Variants in MYO7A observed in about 807,000 individuals in gnomAD.
The protein encoded by MYO7A is myosin VIIA.
MYO7A carries 210 observed loss-of-function variants against 263.8 expected under a neutral mutation model. The ratio of observed to expected loss-of-function variants is 0.80; its 90% confidence interval spans 0.71 to 0.89. MYO7A has a LOEUF of 0.89. Among genes scored for constraint, MYO7A ranks in the 40% least tolerant of loss-of-function variants. The pLI, the probability that MYO7A is intolerant of heterozygous loss-of-function variation, is 0.00. For synonymous variants in MYO7A, 1,239 were observed against 1,197.3 expected, an observed-to-expected ratio of 1.03 and a Z score of -0.72; for missense variants, 2,820 against 2,968.3, an observed-to-expected ratio of 0.95 and a Z score of 1.16.
chr11:77,130,528 C>A, intron 1 of MYO7A, 61 bp from the exon 2 acceptor site: 1 of 1,388,908 alleles, frequency 7.2e-7, no homozygotes, highest in Non-Finnish European at 1.0e-6. Flanking sequence ...TGACCCCAGC[C>A]AGGCTCAAGG....
At chr11:77,162,028 A>C in intron 12 of MYO7A, 92 bp from the exon 13 acceptor site, 1 of 1,145,326 alleles carries the variant, frequency 8.7e-7, no homozygotes, top group Non-Finnish European at 1.3e-6. Flanking sequence ...ATAGCTTGCT[A>C]ATGGCCATGC....
In MYO7A at chr11:77,162,285, C is replaced by A; in HGVS notation, c.1509C>A (p.Pro503=). The change falls in exon 13 of 49, where the codon CCC becomes CCA. Residue 503 remains proline (P), a synonymous_variant. Transcript: ENST00000409709. ...CCCTGGACATGATTGCCAACAAGCC[C>A]ATGAACATCATCTCCCTCATCGATG... ...QDALDMIANK[P]MNIISLIDEE... 2 of 1,552,812 alleles carry A rather than the reference C, an allele frequency of 1.3e-6. No homozygotes were observed. Among genetic ancestry groups the A allele is most frequent in the Non-Finnish European group, 1.7e-6 (2 of 1,147,610 alleles).
At chr11:77,177,725 G>T (rs984532085) in intron 19 of MYO7A, 82 bp downstream of exon 19, 2 of 1,161,038 alleles carry the variant, frequency 1.7e-6, no homozygotes, top group South Asian at 1.3e-5. Context: ...TGCTCTGCCC[G>T]CATGAACACT....
Position 77,192,053 on chromosome 11 carries a change from G to T in MYO7A, c.3927G>T (p.Val1309=), listed in dbSNP as rs181729570. 3.7e-6 allele frequency: 6 copies of T among 1,612,562 alleles called. 1 individual carries two copies. The Admixed American group carries it at 1.0e-4, about 27-fold the overall frequency. The change falls in exon 31 of 49, where the codon GTG becomes GTT. Residue 1309 remains valine (V), a splice_region_variant and synonymous_variant. Transcript: ENST00000409709. ...TCCCCTCCCCTCTGTGCCCACAGGT[G>T]TCCTCCCTGGGCAGCGGCAGTGACC... ...FSLYIALFDK[V]SSLGSGSDHV...
rs538194441 is a variant in MYO7A, at chr11:77,133,955, G to T, written c.18+3303G>T. Among the ~76,000 whole-genome samples the T allele has an allele frequency of 1.5e-4, 23 of 152,228 alleles. 1 individual carries two copies. The highest frequency in any genetic ancestry group is 6.8e-3 in the Middle Eastern group (2 of 294). ...AATAACATCTTTTTTTTGAGATGGA[G>T]TTTCACTCTTGTAGCCCATGCTGGA... On this transcript the variant is annotated intron_variant, in intron 2 of 48. Transcript: ENST00000409709.
chr11:77,158,450 G>A lies in MYO7A; in HGVS notation c.1003+20G>A, dbSNP rs782056661. 8.7e-6 allele frequency: 14 copies of A among 1,606,704 alleles called. No homozygotes were observed. In the East Asian group the frequency reaches 8.9e-5, roughly 10 times the overall value. The stretch of plus-strand genomic sequence containing the variant: ...ATGAGGGTGAGGCTGCGCCACACTC[G>A]CCCTGCCCCACCCCTGCGCCAAGGG... On this transcript the variant is annotated intron_variant, in intron 9 of 48. Coordinates refer to ENST00000409709, the MANE Select transcript of MYO7A (RefSeq NM_000260.4).
At chr11:77,161,251 C>G in intron 12 of MYO7A, 136 bp downstream of exon 12, 1 of 1,125,560 alleles carries the variant, frequency 8.9e-7, no homozygotes, top group Non-Finnish European at 1.3e-6. Context: ...CACGGTGGAC[C>G]CTCTCCCTTT....
chr11:77,156,221 T>G, intron 5 of MYO7A, 130 bp downstream of exon 5: 5 of 973,530 alleles, frequency 5.1e-6, no homozygotes, highest in Non-Finnish European at 6.1e-6. Context: ...GAACCAGACC[T>G]ATGTACTCTG....
chr11:77,161,915 GCAAGT>G (rs1406475550), intron 12 of MYO7A, among the ~76,000 whole-genome samples, 200 bp from the exon 13 acceptor site: 1 of 152,192 alleles, frequency 6.6e-6, no homozygotes, highest in Non-Finnish European at 1.5e-5. Flanking sequence ...GTGACCCTAG[GCAAGT>G]CCTTTGCCCT....
chr11:77,190,163 C>A, intron 29 of MYO7A, 24 bp downstream of exon 29: 1 of 1,539,042 alleles, frequency 6.5e-7, no homozygotes, highest in South Asian at 1.2e-5. Flanking sequence ...TATGCACGTG[C>A]TCGTGTGCAT....
At chr11:77,128,885 C>T (rs1555045286) in intron 1 of MYO7A, among the ~76,000 whole-genome samples, 1 of 152,116 alleles carries the variant, frequency 6.6e-6, no homozygotes, top group African/African-American at 2.4e-5. Context: ...TCCTCTATGC[C>T]CCAAATATCC....
chr11:77,193,906 A>G (rs1956436036), intron 31 of MYO7A: 2 of 423,220 alleles, frequency 4.7e-6, no homozygotes, highest in Non-Finnish European at 9.6e-6. Flanking sequence ...GGTAATGGTG[A>G]TGGAGGCAGT....
At chr11:77,191,885 CT>C (rs1204044838) in intron 30 of MYO7A, among the ~76,000 whole-genome samples, 165 bp from the exon 31 acceptor site, 1 of 152,218 alleles carries the variant, frequency 6.6e-6, no homozygotes, top group African/African-American at 2.4e-5. Context: ...GGGGGTGCGG[CT>C]TAGAGCCCAG....
rs782612318 is a variant in MYO7A at position 77,177,636 on chromosome 11, A to G, written c.2275A>G (p.Lys759Glu). The change falls in exon 19 of 49, where the codon AAA becomes GAA. Residue 759 changes from lysine (K) to glutamate (E), a missense_variant. Coordinates refer to ENST00000409709, the MANE Select transcript of MYO7A (RefSeq NM_000260.4). ...ILLQKVIRGFKDRSNFLKLKN... is the reference protein window; with the variant it reads ...ILLQKVIRGFEDRSNFLKLKN... ...CCTTCAGAAAGTCATCCGGGGATTC[A>G]AAGACAGGTGCGTGTTCCCACCAGC... 4 of 1,608,980 alleles carry G rather than the reference A, an allele frequency of 2.5e-6. No individual in the cohort carries two copies. The highest frequency in any genetic ancestry group is 3.4e-6 in the Non-Finnish European group (4 of 1,177,932).
At chr11:77,136,258 C>T (rs1281949238) in intron 2 of MYO7A, among the ~76,000 whole-genome samples, 3 of 152,136 alleles carry the variant, frequency 2.0e-5, no homozygotes, top group Non-Finnish European at 2.9e-5. Context: ...AGAAATCAGC[C>T]GAGACTCATA....
In MYO7A at chr11:77,189,447, G is replaced by C. The variant is rs568301918; in HGVS notation, c.3607G>C (p.Ala1203Pro). ...CGTGTCTCTCTGCGTGGGCTGTTTCGCCCCCTCCGAGAAGTTTGTCAAGGT... is the reference window on the plus strand; with the variant it reads ...CGTGTCTCTCTGCGTGGGCTGTTTCCCCCCCTCCGAGAAGTTTGTCAAGGT... Reference protein sequence around the residue: ...ILVSLCVGCFAPSEKFVKYLR... With the variant: ...ILVSLCVGCFPPSEKFVKYLR... The change falls in exon 28 of 49, where the codon GCC becomes CCC. Residue 1203 changes from alanine to proline, a missense_variant. Transcript: ENST00000409709. 6.2e-7 allele frequency: 1 copy of C among 1,613,812 alleles called. No individual in the cohort carries two copies. Among genetic ancestry groups the C allele is most frequent in the Non-Finnish European group, 8.5e-7 (1 of 1,179,870 alleles).
At position 77,208,689 on chromosome 11, in the gene MYO7A, T is replaced by G; in HGVS notation, c.5945-8T>G. On this transcript the variant is annotated splice_polypyrimidine_tract_variant and splice_region_variant and intron_variant, in intron 43 of 48. Transcript: ENST00000409709. ...ACCCTCTGGGTGACCGACTGCCCTG[T>G]GCTGCAGGAATTGTGCCCTCACTCA... 6.4e-7 allele frequency: 1 copy of G among 1,570,990 alleles called. No individual in the cohort carries two copies. The highest frequency in any genetic ancestry group is 1.2e-5 in the South Asian group (1 of 85,700).
At chr11:77,178,775 T>C (rs1555081889) in intron 19 of MYO7A, among the ~76,000 whole-genome samples, 2 of 152,258 alleles carry the variant, frequency 1.3e-5, no homozygotes, top group South Asian at 2.1e-4. Context: ...TAATTACTTA[T>C]TTTTTCATAC....
At position 77,189,341 on chromosome 11, in the gene MYO7A, C is replaced by T; in HGVS notation, c.3504-3C>T. 1 of 1,613,184 alleles carries T rather than the reference C, an allele frequency of 6.2e-7. No individual in the cohort carries two copies. The highest frequency in any genetic ancestry group is 8.5e-7 in the Non-Finnish European group (1 of 1,179,876). On this transcript the variant is annotated splice_region_variant and splice_polypyrimidine_tract_variant and intron_variant, in intron 27 of 48. Transcript: ENST00000409709. ...CCCCTCCCTTGCCCTGCTGCCTGCC[C>T]AGGGACGAGATCTACTGCCAGATCA...
Sources: gnomAD v4.1 joint callset for allele counts (sites outside exome capture counted in the v4.1 genomes callset) on GRCh38, gnomAD v4.1.1 for gene constraint, MANE v1.5 for transcripts, NCBI Gene and HGNC (gene_info 2026-07-23, HGNC 2026-07-21) for gene names.